The following SETD1A variants were observed in gnomAD, a reference collection of about 807,000 sequenced individuals.
The protein encoded by SETD1A is histone-lysine N-methyltransferase SETD1A.
A neutral mutation model predicts 149.9 loss-of-function variants in SETD1A; 29 were observed. That is an observed-to-expected ratio of 0.19 (90% CI 0.14 to 0.26). The LOEUF is 0.26. Ranked by LOEUF, SETD1A falls within the 10% of genes least tolerant of loss-of-function variation. SETD1A has a pLI of 1.00. For synonymous variants in SETD1A, 1,141 were observed against 968.5 expected (o/e 1.18, Z -3.31); for missense variants, 2,109 against 2,353.1 (o/e 0.90, Z 2.15).
Position 30,979,182 on chromosome 16 carries a change from T to TC in SETD1A, c.3401dup (p.Glu1135ArgfsTer15), listed in dbSNP as rs1223030507. The TC allele has an allele frequency of 6.3e-7, 1 of 1,587,352 alleles. No homozygotes were observed. Among genetic ancestry groups the TC allele is most frequent in the Admixed American group, 1.8e-5 (1 of 56,980 alleles). On this transcript the variant is annotated frameshift_variant, in exon 14 of 19. Coordinates refer to ENST00000262519, the MANE Select transcript of SETD1A (RefSeq NM_014712.3). LOFTEE classifies it high-confidence loss of function. ...AGTCACCCCCCAGTGCGCCTCTGCGTCCCCCAGAACCACCTGCTGGGCCCC... is the reference window on the plus strand; with the variant it reads ...AGTCACCCCCCAGTGCGCCTCTGCGTCCCCCCAGAACCACCTGCTGGGCCCC...
chr16:30,959,849 G>C (rs1157910851), intron 3 of SETD1A, among the ~76,000 whole-genome samples: 1 of 150,992 alleles, frequency 6.6e-6, no homozygotes, highest in East Asian at 1.9e-4. Flanking sequence ...CCAAGTATCT[G>C]TTTCCAGCCA....
In SETD1A at chr16:30,965,138, G is replaced by T; in HGVS notation, c.1396G>T (p.Ala466Ser). Residue 466 changes from alanine to serine, a missense_variant, in exon 7 of 19, where the codon GCC becomes TCC. By Grantham distance (99) the Ala-to-Ser change is moderately conservative (BLOSUM62 1). This residue lies in a region of SETD1A where 410 missense variants were observed against 394.8 expected (regional missense o/e 1.04). Coordinates refer to ENST00000262519, the MANE Select transcript of SETD1A (RefSeq NM_014712.3). ...GACTTCCCCCCGCCCAGCCTCCCCT[G>T]CCCGCTCTGGCTCCCCAGCCCCGGA... ...VRTSPRPASP[A>S]RSGSPAPETT... 2 of 1,612,740 alleles carry T rather than the reference G, an allele frequency of 1.2e-6. No homozygotes were observed. The highest frequency in any genetic ancestry group is 1.7e-6 in the Non-Finnish European group (2 of 1,179,870).
In SETD1A at chr16:30,981,175, C is replaced by T; in HGVS notation, c.4807C>T (p.Arg1603Cys). The T allele has an allele frequency of 2.5e-6, 4 of 1,614,078 alleles. No homozygotes were observed. Among genetic ancestry groups the T allele is most frequent in the East Asian group, 2.2e-5 (1 of 44,884 alleles). ...CATCGAATACGTGGGTCAGAACATCCGTCAGGTGAGGCTGCACTCCCAGCC... is the reference window on the plus strand; with the variant it reads ...CATCGAATACGTGGGTCAGAACATCTGTCAGGTGAGGCTGCACTCCCAGCC... ...MVIEYVGQNI[R>C]QMVADMREKR... The change falls in exon 17 of 19, where the codon CGT becomes TGT. Residue 1603 changes from arginine to cysteine, a missense_variant. Arg to Cys is a radical substitution (Grantham distance 180). This residue lies in a region of SETD1A where 254 missense variants were observed against 409.3 expected (regional missense o/e 0.62). Transcript: ENST00000262519.
In SETD1A at chr16:30,964,987, C is replaced by G. The variant is rs749167241; in HGVS notation, c.1245C>G (p.Pro415=). ...CTTCTTACACCTCCTACCTGCCCCC[C>G]GAGCCCAGCCGGCCCACCGACCAGG... ...FPPSYTSYLP[P]EPSRPTDQDY... Residue 415 remains proline (P), a synonymous_variant, in exon 7 of 19, where the codon CCC becomes CCG. Coordinates refer to ENST00000262519, the MANE Select transcript of SETD1A (RefSeq NM_014712.3). 1.9e-5 allele frequency: 31 copies of G among 1,613,848 alleles called. No individual in the cohort carries two copies. Among genetic ancestry groups the G allele is most frequent in the South Asian group, 3.3e-5 (3 of 91,074 alleles).
At chr16:30,960,804 C>T (rs1207263391) in intron 3 of SETD1A, among the ~76,000 whole-genome samples, 1 of 131,114 alleles carries the variant, frequency 7.6e-6, no homozygotes, top group Non-Finnish European at 1.5e-5. Context: ...GGTGTGATCT[C>T]GGCTTAGTGC....
intron 4 of SETD1A, 133 bp from the exon 5 acceptor site, chr16:30,963,300 A>G: frequency 2.7e-6 from 2 of 728,990 alleles, no homozygotes; most frequent in Non-Finnish European, 4.3e-6. Flanking sequence ...GAGTTATGGT[A>G]GGAGAACTGA....
intron 13 of SETD1A, among the ~76,000 whole-genome samples, chr16:30,978,489 T>G (rs2143571876): frequency 6.6e-6 from 1 of 152,102 alleles, no homozygotes; most frequent in East Asian, 1.9e-4. Context: ...TCGGAGCCAG[T>G]GTGTTCCCTC....
chr16:30,964,361 G>A (rs1290284442), intron 6 of SETD1A, 38 bp downstream of exon 6: 1 of 1,525,108 alleles, frequency 6.6e-7, no homozygotes, highest in African/African-American at 1.4e-5. Flanking sequence ...CGCCCGCAAA[G>A]TCTGGGAGCT....
chr16:30,964,399 T>G, intron 6 of SETD1A, 76 bp downstream of exon 6: 1 of 1,385,862 alleles, frequency 7.2e-7, no homozygotes, highest in Non-Finnish European at 1.0e-6. Context: ...GCCCAGAGTC[T>G]GTCTCCAAGA....
rs1265973426 is a variant in SETD1A at position 30,979,581 on chromosome 16, G to A, written c.3795G>A (p.Arg1265=). 1.9e-6 allele frequency: 3 copies of A among 1,610,236 alleles called. No homozygotes were observed. In the East Asian group the frequency reaches 6.7e-5, roughly 36 times the overall value. Residue 1265 remains arginine (R), a synonymous_variant, in exon 14 of 19, where the codon CGG becomes CGA. Coordinates refer to ENST00000262519, the MANE Select transcript of SETD1A (RefSeq NM_014712.3). The part of the protein sequence containing the change: ...VLADLALTPA[R]RGLPALPAVE... ...CCGACCTGGCCCTGACCCCTGCCCG[G>A]CGCGGGCTGCCTGCCCTGCCTGCTG...
At position 30,983,074 on chromosome 16, in the gene SETD1A, C is replaced by T. The variant is rs529615789; in HGVS notation, c.4813-561C>T. 1.6e-4 allele frequency among the ~76,000 whole-genome samples: 25 copies of T among 152,204 alleles called. No individual in the cohort carries two copies. The highest frequency in any genetic ancestry group is 4.6e-4 in the African/African-American group (19 of 41,542). ...GGAGGAGTCCCCACCACATAGCTGG[C>T]GGCTGAGGCTCTGGAAGGGAGTGAG... On this transcript the variant is annotated intron_variant, in intron 17 of 18. Transcript: ENST00000262519. This position sits in a 1 kb window ranked among gnomAD's most constrained non-coding sequence, Gnocchi z 6.8.
intron 9 of SETD1A, 88 bp downstream of exon 9, chr16:30,967,148 GTGTT>G (rs1319970582): frequency 2.0e-6 from 2 of 1,018,978 alleles, no homozygotes; most frequent in Non-Finnish European, 2.8e-6. Context: ...GGAACCATGA[GTGTT>G]TGAGTTTTTT....
At chr16:30,967,163 C>T (rs1567354788) in intron 9 of SETD1A, 103 bp downstream of exon 9, 2 of 906,294 alleles carry the variant, frequency 2.2e-6, no homozygotes, top group Non-Finnish European at 3.3e-6. Flanking sequence ...TGAGTTTTTT[C>T]TTTTTTTTGA....
At position 30,965,818 on chromosome 16, in the gene SETD1A, A is replaced by G; in HGVS notation, c.1937A>G (p.Tyr646Cys). 1 of 1,151,340 alleles carries G rather than the reference A, an allele frequency of 8.7e-7. No individual in the cohort carries two copies. The highest frequency in any genetic ancestry group is 1.2e-6 in the Non-Finnish European group (1 of 822,996). The allele number at this position is 1,151,340 out of a possible 1,614,324, so 71.3% of individuals were successfully genotyped here. A position where few individuals can be genotyped will look rare whatever the true frequency, so the allele number is the denominator to read the frequency against. Residue 646 changes from tyrosine to cysteine, a missense_variant, in exon 8 of 19, where the codon TAC becomes TGC. Tyr to Cys is a radical substitution (Grantham distance 194, BLOSUM62 -2). Transcript: ENST00000262519. ...PRPDGPPPPEYPPPPPPPPHI... is the reference protein window; with the variant it reads ...PRPDGPPPPECPPPPPPPPHI... ...CCTGATGGGCCGCCGCCCCCTGAGT[A>G]CCCCCCACCTCCTCCACCACCCCCG...
chr16:30,964,433 A>G, intron 6 of SETD1A, 110 bp downstream of exon 6: 1 of 1,319,230 alleles, frequency 7.6e-7, no homozygotes, highest in Non-Finnish European at 1.1e-6. Context: ...AATTTGTCCT[A>G]GTTTCTCTGT....
At position 30,983,001 on chromosome 16, in the gene SETD1A, C is replaced by T. The variant is rs938151018; in HGVS notation, c.4813-634C>T. ...TGCCCCAGGGACATCTAGGGGATGA[C>T]GCCCAGCAGCTCCACTGAGGTGGCT... On this transcript the variant is annotated intron_variant, in intron 17 of 18. Coordinates refer to ENST00000262519, the MANE Select transcript of SETD1A (RefSeq NM_014712.3). The surrounding 1 kb of genome is among the most constrained non-coding windows in gnomAD (Gnocchi z 6.8). Among the ~76,000 whole-genome samples the T allele has an allele frequency of 6.6e-5, 10 of 152,124 alleles. No individual in the cohort carries two copies. The highest frequency in any genetic ancestry group is 2.2e-4 in the African/African-American group (9 of 41,428).
In SETD1A at chr16:30,964,986, C is replaced by G; in HGVS notation, c.1244C>G (p.Pro415Arg). 6.2e-7 allele frequency: 1 copy of G among 1,614,018 alleles called. No individual in the cohort carries two copies. Among genetic ancestry groups the G allele is most frequent in the Non-Finnish European group, 8.5e-7 (1 of 1,180,020 alleles). Reference protein sequence around the residue: ...FPPSYTSYLPPEPSRPTDQDY... With the variant: ...FPPSYTSYLPREPSRPTDQDY... ...CCTTCTTACACCTCCTACCTGCCCC[C>G]CGAGCCCAGCCGGCCCACCGACCAG... Residue 415 changes from proline (P) to arginine (R), a missense_variant, in exon 7 of 19, where the codon CCC (proline) becomes CGC (arginine). Transcript: ENST00000262519.
rs1406814780 is a variant in SETD1A at position 30,983,486 on chromosome 16, CGA to C, written c.4813-143_4813-142del. 2 of 911,318 alleles carry C rather than the reference CGA, an allele frequency of 2.2e-6. No individual in the cohort carries two copies. Among genetic ancestry groups the C allele is most frequent in the Non-Finnish European group, 3.3e-6 (2 of 598,066 alleles). The allele number at this position is 911,318 out of a possible 1,614,324, so 56.5% of individuals were successfully genotyped here. A position where few individuals can be genotyped will look rare whatever the true frequency, so the allele number is the denominator to read the frequency against. ...GAGGGAGGGCTCCTGGAAGCAGAGT[CGA>C]GAGAGTCAGTGCCGGGTTAGCGGGA... On this transcript the variant is annotated intron_variant, in intron 17 of 18. Coordinates refer to ENST00000262519, the MANE Select transcript of SETD1A (RefSeq NM_014712.3). This position sits in a 1 kb window ranked among gnomAD's most constrained non-coding sequence, Gnocchi z 6.8.
In SETD1A at chr16:30,971,652, G is replaced by C; in HGVS notation, c.3291G>C (p.Pro1097=). The C allele has an allele frequency of 1.9e-6, 3 of 1,610,498 alleles. No homozygotes were observed. The highest frequency in any genetic ancestry group is 2.7e-5 in the African/African-American group (2 of 74,934). The change falls in exon 13 of 19, where the codon CCG becomes CCC. Residue 1097 remains proline, a synonymous_variant. Coordinates refer to ENST00000262519, the MANE Select transcript of SETD1A (RefSeq NM_014712.3). ...CAGCACCTGTGGAGGTGCCAGTGCC[G>C]GAAAGGGTTGCAGGCTCCCCAGTCA... ...PTPAPVEVPV[P]ERVAGSPVTP...
Sources: gnomAD v4.1 joint callset for allele counts (sites outside exome capture counted in the v4.1 genomes callset) on GRCh38, gnomAD v4.1.1 for gene constraint, gnomAD v4.1.1 regional missense constraint, Gnocchi (gnomAD v3.1) non-coding constraint, MANE v1.5 for transcripts, NCBI Gene and HGNC (gene_info 2026-07-23, HGNC 2026-07-21) for gene names.